MME: variants seen among roughly 807,000 people sequenced by gnomAD.
The protein encoded by MME is neprilysin.
A neutral mutation model predicts 113.2 loss-of-function variants in MME; 98 were observed. The observed-to-expected ratio is 0.87, with a 90% confidence interval of 0.74 to 1.02. MME has a LOEUF of 1.02. Ranked by LOEUF, MME falls within the 50% of genes least tolerant of loss-of-function variation. The probability of loss-of-function intolerance (pLI) is 0.00; values close to 1 mark genes in which losing one functional copy is unlikely to be tolerated. For missense variants in MME, 836 were observed against 896.0 expected (o/e 0.93, Z 0.86); for synonymous variants, 292 against 300.6 (o/e 0.97, Z 0.30).
chr3:155,042,918 A>ATATATATATATGTATG (rs1713393005), intron 1 of MME, among the ~76,000 whole-genome samples: 1 of 53,636 alleles, frequency 1.9e-5, no homozygotes, highest in African/African-American at 8.9e-5. Context: ...ATATATATAT[A>ATATATATATATGTATG]TATATATATA....
intron 16 of MME, among the ~76,000 whole-genome samples, chr3:155,150,471 T>C (rs978560223): frequency 1.3e-5 from 2 of 152,178 alleles, no homozygotes; most frequent in Non-Finnish European, 2.9e-5. Flanking sequence ...GAGCTTCTGA[T>C]GATCACAAAT....
intron 1 of MME, among the ~76,000 whole-genome samples, chr3:155,051,276 A>G (rs1190018148): frequency 6.6e-6 from 1 of 152,164 alleles, no homozygotes; most frequent in African/African-American, 2.4e-5. Flanking sequence ...ATTATTCAAG[A>G]AAATGTCTGT....
At chr3:155,100,437 C>G (rs901865828) in intron 3 of MME, among the ~76,000 whole-genome samples, 1 of 152,184 alleles carries the variant, frequency 6.6e-6, no homozygotes, top group Admixed American at 6.5e-5. Context: ...AATAGGAACA[C>G]TTTTACACTG....
chr3:155,108,824 G>C (rs1022577490), intron 3 of MME, among the ~76,000 whole-genome samples: 1 of 152,084 alleles, frequency 6.6e-6, no homozygotes. Context: ...TATTAAGATA[G>C]TTGTTGTGTA....
chr3:155,072,717 T>G (rs1329543256), intron 1 of MME, among the ~76,000 whole-genome samples: 1 of 152,226 alleles, frequency 6.6e-6, no homozygotes, highest in Non-Finnish European at 1.5e-5. Flanking sequence ...AAAATTATTA[T>G]AGACCATGCT....
intron 1 of MME, among the ~76,000 whole-genome samples, chr3:155,025,449 A>G (rs1405009408): frequency 6.6e-6 from 1 of 151,620 alleles, no homozygotes; most frequent in Non-Finnish European, 1.5e-5. Flanking sequence ...GCAAAGTGAA[A>G]CCCCATCTCT....
At chr3:155,066,046 C>T (rs1430218137) in intron 1 of MME, among the ~76,000 whole-genome samples, 1 of 152,122 alleles carries the variant, frequency 6.6e-6, no homozygotes, top group African/African-American at 2.4e-5. Flanking sequence ...GCTATTAGAC[C>T]AGGAAGACAA....
At chr3:155,178,030 G>A (rs1276659695) in intron 22 of MME, among the ~76,000 whole-genome samples, 1 of 152,108 alleles carries the variant, frequency 6.6e-6, no homozygotes, top group Admixed American at 6.6e-5. Context: ...TGCTATCAGA[G>A]GGCCTCTCGG....
intron 20 of MME, among the ~76,000 whole-genome samples, chr3:155,169,055 T>A (rs1177092530): frequency 3.3e-5 from 5 of 151,984 alleles, no homozygotes; most frequent in African/African-American, 1.2e-4. Flanking sequence ...TCAGCTGAAA[T>A]GAGGAGAGAG....
chr3:155,040,187 T>G (rs937108823), intron 1 of MME, among the ~76,000 whole-genome samples: 1 of 152,210 alleles, frequency 6.6e-6, no homozygotes, highest in African/African-American at 2.4e-5. Flanking sequence ...ATTTCTCACC[T>G]TTAGCACTCT....
chr3:155,157,555 G>T (rs1722406189), intron 16 of MME, among the ~76,000 whole-genome samples: 1 of 152,078 alleles, frequency 6.6e-6, no homozygotes, highest in Non-Finnish European at 1.5e-5. Flanking sequence ...CTGTTTAGTT[G>T]GCCCTGTTAA....
chr3:155,046,048 G>A (rs115350140), intron 1 of MME, among the ~76,000 whole-genome samples: 1,621 of 152,116 alleles, frequency 0.011, 15 homozygotes, highest in South Asian at 0.02. Flanking sequence ...AATTTTAGCC[G>A]GATTTTCTTC....
At chr3:155,125,262 C>T (rs1331214520) in intron 8 of MME, among the ~76,000 whole-genome samples, 1 of 141,192 alleles carries the variant, frequency 7.1e-6, no homozygotes, top group Non-Finnish European at 1.6e-5. Context: ...GGCAATGCCT[C>T]GCCCTGCTTC....
At chr3:155,106,879 C>T (rs906848460) in intron 3 of MME, among the ~76,000 whole-genome samples, 6 of 152,194 alleles carry the variant, frequency 3.9e-5, no homozygotes, top group African/African-American at 1.4e-4. Flanking sequence ...CAACATTTCT[C>T]TGACCTCTGT....
rs528866287 is a variant in MME, at chr3:155,059,001, G to A, written c.-10-25157G>A. On this transcript the variant is annotated intron_variant, in intron 1 of 22. Coordinates refer to the MME transcript ENST00000492661. ...GGATTGGCCAGGTGTGGTGGCTCAT[G>A]CCTGTAATCCCAGCACTGTGGGAGG... is the stretch of plus-strand genomic sequence containing the variant. 2.0e-4 allele frequency among the ~76,000 whole-genome samples: 31 copies of A among 152,244 alleles called. No homozygotes were observed. In the South Asian group the frequency reaches 6.4e-3, roughly 32 times the overall value.
chr3:155,143,273 T>C (rs1721257555), intron 12 of MME, among the ~76,000 whole-genome samples, 170 bp from the exon 13 acceptor site: 1 of 152,176 alleles, frequency 6.6e-6, no homozygotes, highest in Non-Finnish European at 1.5e-5. Context: ...CATATATAAG[T>C]AAACAATCCA....
Position 155,182,635 on chromosome 3 carries a change from A to T in MME, c.*2176A>T, listed in dbSNP as rs199555484. ...GCTGTCTCTAACTTATTTTATTTCC[A>T]TCATGTCAGAGCAGGTGAAGAGCCA... On this transcript the variant is annotated 3_prime_UTR_variant, in exon 23 of 23. Coordinates refer to ENST00000360490, the MANE Select transcript of MME (RefSeq NM_007289.4). 1 of 152,244 alleles carries T rather than the reference A, an allele frequency of 6.6e-6. No individual in the cohort carries two copies. 9.4% of individuals were successfully genotyped at this position (152,244 alleles called of 1,614,324 possible). A position where few individuals can be genotyped will look rare whatever the true frequency, so the allele number is the denominator to read the frequency against.
intron 1 of MME, among the ~76,000 whole-genome samples, chr3:155,042,958 A>C (rs1172952993): frequency 7.7e-6 from 1 of 130,060 alleles, no homozygotes; most frequent in African/African-American, 2.9e-5. Flanking sequence ...ATATATATAT[A>C]TCACATTTGT....
chr3:155,138,062 A>G (rs1307986611), intron 8 of MME, 40 bp from the exon 9 acceptor site: 1 of 1,608,642 alleles, frequency 6.2e-7, no homozygotes, highest in Non-Finnish European at 8.5e-7. Context: ...ATGAATATTT[A>G]GAGCTACTCC....
Sources: gnomAD v4.1 joint callset for allele counts (sites outside exome capture counted in the v4.1 genomes callset) on GRCh38, gnomAD v4.1.1 for gene constraint, MANE v1.5 for transcripts, NCBI Gene and HGNC (gene_info 2026-07-23, HGNC 2026-07-21) for gene names.